SCUBE1: variants seen among roughly 807,000 people sequenced by gnomAD.
SCUBE1 encodes signal peptide, CUB domain and EGF like domain containing 1.
A neutral mutation model predicts 124.4 loss-of-function variants in SCUBE1; 59 were observed. That is an observed-to-expected ratio of 0.47 (90% CI 0.38 to 0.59). The LOEUF (loss-of-function observed/expected upper bound fraction) is 0.59. Ranked by LOEUF, SCUBE1 falls within the 20% of genes least tolerant of loss-of-function variation. The pLI is 0.00. For missense variants in SCUBE1, 1,150 were observed against 1,371.2 expected, an observed-to-expected ratio of 0.84 and a Z score of 2.55; for synonymous variants, 545 against 550.9, an observed-to-expected ratio of 0.99 and a Z score of 0.15.
chr22:43,256,651 C>T (rs1339904555), intron 6 of SCUBE1, among the ~76,000 whole-genome samples: 3 of 152,232 alleles, frequency 2.0e-5, no homozygotes, highest in Non-Finnish European at 4.4e-5. Context: ...TTCAGGTGGA[C>T]AAGACAAGAT....
At chr22:43,279,138 C>T (rs1191861973) in intron 4 of SCUBE1, among the ~76,000 whole-genome samples, 1 of 152,156 alleles carries the variant, frequency 6.6e-6, no homozygotes, top group African/African-American at 2.4e-5. Flanking sequence ...CAGATACAGG[C>T]TGCCCCAGAC....
At chr22:43,262,346 C>T (rs2032940453) in intron 5 of SCUBE1, among the ~76,000 whole-genome samples, 1 of 152,190 alleles carries the variant, frequency 6.6e-6, no homozygotes, top group Admixed American at 6.5e-5. Flanking sequence ...CAGAACCATA[C>T]TCTTTTCCTT....
At chr22:43,268,223 C>T (rs891345888) in intron 4 of SCUBE1, among the ~76,000 whole-genome samples, 1 of 152,230 alleles carries the variant, frequency 6.6e-6, no homozygotes, top group Non-Finnish European at 1.5e-5. Flanking sequence ...GACGGAAGGG[C>T]CCCAGTTCAA....
chr22:43,223,213 G>C lies in SCUBE1; in HGVS notation c.1211C>G (p.Thr404Arg). 2 of 1,570,684 alleles carry C rather than the reference G, an allele frequency of 1.3e-6. No homozygotes were observed. The highest frequency in any genetic ancestry group is 1.7e-6 in the Non-Finnish European group (2 of 1,167,368). ...CTTGGCGCGAGAAAGACACTTGCCT[G>C]TCTCTATGAAGGGAGATACGAGAGA... ...LHWNGKDCVETGKCLSRAKTS... is the reference protein window; with the variant it reads ...LHWNGKDCVERGKCLSRAKTS... Residue 404 changes from threonine (T) to arginine (R), a missense_variant, in exon 11 of 22, where the codon ACA becomes AGA. Physicochemically the swap from Thr to Arg is moderately conservative, Grantham distance 71. Around this residue, in one of 3 missense-constraint regions of SCUBE1, gnomAD observed 757 missense variants for 840.9 expected, o/e 0.90. Coordinates refer to ENST00000360835, the MANE Select transcript of SCUBE1 (RefSeq NM_173050.5).
chr22:43,326,920 C>T (rs1262007587), intron 2 of SCUBE1, among the ~76,000 whole-genome samples: 1 of 152,144 alleles, frequency 6.6e-6, no homozygotes, highest in African/African-American at 2.4e-5. Flanking sequence ...CATCTTCGAG[C>T]AGATCTAGCC....
At chr22:43,337,746 T>A (rs5759290) in intron 2 of SCUBE1, among the ~76,000 whole-genome samples, 21,852 of 152,200 alleles carry the variant, frequency 0.14, 1,820 homozygotes, top group East Asian at 0.19. Context: ...ACCACCAGCA[T>A]CCCAGGGAGG....
chr22:43,333,034 G>T (rs565005575), intron 2 of SCUBE1, among the ~76,000 whole-genome samples: 1 of 152,182 alleles, frequency 6.6e-6, no homozygotes, highest in East Asian at 1.9e-4. Context: ...GGTCTTTGAG[G>T]AGCTCACATT....
At chr22:43,264,508 G>T (rs889610845) in intron 4 of SCUBE1, among the ~76,000 whole-genome samples, 1 of 152,198 alleles carries the variant, frequency 6.6e-6, no homozygotes, top group Non-Finnish European at 1.5e-5. Context: ...ACCTTCCCAG[G>T]CTACTGAGAC....
chr22:43,215,171 G>T (rs955185697), intron 15 of SCUBE1, among the ~76,000 whole-genome samples: 1 of 152,256 alleles, frequency 6.6e-6, no homozygotes, highest in Non-Finnish European at 1.5e-5. Context: ...CCAGGGGATG[G>T]AGAGTGTCAG....
chr22:43,306,224 C>G (rs892936887), intron 3 of SCUBE1, among the ~76,000 whole-genome samples: 2 of 152,178 alleles, frequency 1.3e-5, no homozygotes, highest in Non-Finnish European at 2.9e-5. Context: ...TTTAGGGCCA[C>G]GGCTCCGTGT....
In SCUBE1 at chr22:43,211,270, G is replaced by A. The variant is rs752052405; in HGVS notation, c.2222-187C>T. ...GCCATGGCCAGGAAGAGCCCTTGGC[G>A]TGGGGGTCACATGGCAGATTGATGT... On this transcript the variant is annotated intron_variant, in intron 17 of 21. Transcript: ENST00000360835. This position sits in a 1 kb window ranked among gnomAD's most constrained non-coding sequence, Gnocchi z 4.5. Among the ~76,000 whole-genome samples the A allele has an allele frequency of 3.3e-5, 5 of 152,198 alleles. No homozygotes were observed. Among genetic ancestry groups the A allele is most frequent in the African/African-American group, 1.2e-4 (5 of 41,440 alleles).
chr22:43,318,278 G>A (rs1926420844), intron 3 of SCUBE1: 1 of 152,166 alleles, frequency 6.6e-6, no homozygotes. Context: ...CAGCACTTTG[G>A]GAGGTCGAGG....
intron 1 of SCUBE1, among the ~76,000 whole-genome samples, chr22:43,339,479 C>T (rs368953834): frequency 1.3e-5 from 2 of 152,074 alleles, no homozygotes; most frequent in East Asian, 1.9e-4. Context: ...TCGCAACCAT[C>T]CCATTGAGCT....
chr22:43,332,034 C>T (rs923957433), intron 2 of SCUBE1, among the ~76,000 whole-genome samples: 3 of 152,184 alleles, frequency 2.0e-5, no homozygotes, highest in African/African-American at 7.2e-5. Context: ...TGCCTATAAT[C>T]CCAGCACTTT....
intron 2 of SCUBE1, among the ~76,000 whole-genome samples, chr22:43,328,832 C>A (rs1926812128): frequency 6.6e-6 from 1 of 152,206 alleles, no homozygotes; most frequent in Non-Finnish European, 1.5e-5. Flanking sequence ...TTGATGGTAA[C>A]TGGCTTAATC....
chr22:43,265,899 G>A (rs924861954), intron 4 of SCUBE1, among the ~76,000 whole-genome samples: 12 of 152,180 alleles, frequency 7.9e-5, no homozygotes, highest in African/African-American at 2.9e-4. Context: ...TCAGGAGCTC[G>A]AGACTAGCCT....
At chr22:43,281,612 T>TTCTCAGCCACCCTCCTGTCACCTCCC (rs1569011250) in intron 4 of SCUBE1, among the ~76,000 whole-genome samples, 1 of 139,872 alleles carries the variant, frequency 7.1e-6, no homozygotes, top group African/African-American at 3.0e-5. Context: ...TGTCACCTCC[T>TTCTCAGCCACCCTCCTGTCACCTCCC]CCTCAGCAAC....
At chr22:43,229,281 T>C (rs761542433) in intron 8 of SCUBE1, 93 bp from the exon 9 acceptor site, 18 of 892,650 alleles carry the variant, frequency 2.0e-5, no homozygotes, top group Non-Finnish European at 2.6e-5. Flanking sequence ...AAGGCACATC[T>C]GTGGACACAC....
At chr22:43,262,321 G>A (rs746878710) in intron 5 of SCUBE1, among the ~76,000 whole-genome samples, 27 of 152,166 alleles carry the variant, frequency 1.8e-4, no homozygotes, top group Non-Finnish European at 3.2e-4. Context: ...AGCACAGCCC[G>A]GAATGGGACC....
Sources: gnomAD v4.1 joint callset for allele counts (sites outside exome capture counted in the v4.1 genomes callset) on GRCh38, gnomAD v4.1.1 for gene constraint, gnomAD v4.1.1 regional missense constraint, Gnocchi (gnomAD v3.1) non-coding constraint, MANE v1.5 for transcripts, NCBI Gene and HGNC (gene_info 2026-07-23, HGNC 2026-07-21) for gene names.